CNTN4: variants seen among roughly 807,000 people sequenced by gnomAD.
The protein encoded by CNTN4 is contactin 4.
In CNTN4, 77 loss-of-function variants were observed where a neutral mutation model predicts 122.5. That is an observed-to-expected ratio of 0.63 (90% CI 0.52 to 0.76). The LOEUF (loss-of-function observed/expected upper bound fraction) is 0.76. Among genes scored for constraint, CNTN4 ranks in the 30% least tolerant of loss-of-function variants. The pLI is 0.00. For synonymous variants in CNTN4, 512 were observed against 447.0 expected (o/e 1.15, Z -1.83); for missense variants, 1,256 against 1,259.1 (o/e 1.00, Z 0.04).
chr3:2,498,540 G>T (rs993558110), intron 3 of CNTN4, among the ~76,000 whole-genome samples: 38 of 152,132 alleles, frequency 2.5e-4, no homozygotes, highest in Admixed American at 7.9e-4. Context: ...GCATGCAGTG[G>T]CATGATCATG....
intron 4 of CNTN4, among the ~76,000 whole-genome samples, chr3:2,580,311 G>A (rs989924342): frequency 2.6e-5 from 4 of 152,078 alleles, no homozygotes; most frequent in Admixed American, 2.0e-4. Flanking sequence ...CATCCATCTG[G>A]GGGCCTGGCA....
chr3:2,857,287 G>T (rs1297945829), intron 7 of CNTN4, among the ~76,000 whole-genome samples: 3 of 152,182 alleles, frequency 2.0e-5, no homozygotes, highest in African/African-American at 7.2e-5. Flanking sequence ...GCTTTTATGT[G>T]CTTTCCACAT....
chr3:2,142,313 A>G (rs2035031332), intron 2 of CNTN4, among the ~76,000 whole-genome samples: 1 of 151,972 alleles, frequency 6.6e-6, no homozygotes, highest in African/African-American at 2.4e-5. Context: ...TTTTAGAGCT[A>G]GAGACTTTGT....
At chr3:2,438,775 C>G (rs980978099) in intron 3 of CNTN4, among the ~76,000 whole-genome samples, 1 of 152,116 alleles carries the variant, frequency 6.6e-6, no homozygotes, top group Non-Finnish European at 1.5e-5. Context: ...GAATGTGGAC[C>G]ACGGTCTGGA....
chr3:2,752,828 A>C (rs2090160064), intron 6 of CNTN4, among the ~76,000 whole-genome samples: 1 of 152,178 alleles, frequency 6.6e-6, no homozygotes, highest in African/African-American at 2.4e-5. Context: ...TTACTAAATA[A>C]GACCAACTTA....
At chr3:2,529,688 T>G (rs1288272479) in intron 3 of CNTN4, among the ~76,000 whole-genome samples, 1 of 152,066 alleles carries the variant, frequency 6.6e-6, no homozygotes, top group Non-Finnish European at 1.5e-5. Flanking sequence ...GATCTTTGCA[T>G]AGGCTAAACT....
chr3:2,576,244 G>T (rs930183094), intron 4 of CNTN4, among the ~76,000 whole-genome samples: 2 of 152,166 alleles, frequency 1.3e-5, no homozygotes. Context: ...TCCAGAAAAT[G>T]TCTGGCACAT....
intron 6 of CNTN4, among the ~76,000 whole-genome samples, chr3:2,768,227 T>C (rs756409765): frequency 2.6e-5 from 4 of 152,178 alleles, no homozygotes; most frequent in Non-Finnish European, 4.4e-5. Flanking sequence ...TAATATAAAT[T>C]GTAATCACAT....
At chr3:3,000,210 A>G (rs558886942) in intron 14 of CNTN4, among the ~76,000 whole-genome samples, 1 of 151,292 alleles carries the variant, frequency 6.6e-6, no homozygotes, top group South Asian at 2.1e-4. Flanking sequence ...CTAGAACATA[A>G]TAGTGTCCAA....
intron 2 of CNTN4, among the ~76,000 whole-genome samples, chr3:2,271,733 A>G (rs1232382738): frequency 6.6e-6 from 1 of 152,160 alleles, no homozygotes; most frequent in Admixed American, 6.5e-5. Context: ...GTCCCCAACT[A>G]AAGAATGTAT....
intron 3 of CNTN4, among the ~76,000 whole-genome samples, chr3:2,462,651 G>A (rs1054448254): frequency 2.0e-5 from 3 of 152,184 alleles, no homozygotes; most frequent in Admixed American, 6.5e-5. Context: ...AAAATAAAAA[G>A]AGGAATAAAA....
intron 2 of CNTN4, among the ~76,000 whole-genome samples, chr3:2,158,906 C>A (rs2035836407): frequency 6.6e-6 from 1 of 152,122 alleles, no homozygotes; most frequent in Non-Finnish European, 1.5e-5. Context: ...ATACAACATT[C>A]TTTTTAAAGC....
At chr3:2,554,058 A>G (rs1388593050) in intron 3 of CNTN4, among the ~76,000 whole-genome samples, 2 of 152,276 alleles carry the variant, frequency 1.3e-5, no homozygotes, top group African/African-American at 2.4e-5. Flanking sequence ...AAATTAATCT[A>G]CATCACAAAC....
intron 2 of CNTN4, among the ~76,000 whole-genome samples, chr3:2,278,269 A>G (rs550994035): frequency 8.1e-4 from 123 of 152,362 alleles, no homozygotes; most frequent in South Asian, 7.7e-3. Context: ...ACAAAATACT[A>G]AAAAATCAAC....
intron 4 of CNTN4, among the ~76,000 whole-genome samples, chr3:2,656,142 TAAAAG>T (rs1293957559): frequency 1.3e-5 from 2 of 152,126 alleles, no homozygotes; most frequent in South Asian, 2.1e-4. Context: ...TTAAAACAAT[TAAAAG>T]AGAATAATTA....
intron 2 of CNTN4, among the ~76,000 whole-genome samples, chr3:2,146,659 G>A (rs1033044896): frequency 6.6e-6 from 1 of 152,080 alleles, no homozygotes; most frequent in South Asian, 2.1e-4. Context: ...TTTATCATTT[G>A]TTCAAATGTA....
chr3:2,578,936 C>G (rs2079815251), intron 4 of CNTN4, among the ~76,000 whole-genome samples: 1 of 152,130 alleles, frequency 6.6e-6, no homozygotes, highest in East Asian at 1.9e-4. Flanking sequence ...TGCAAAACTT[C>G]TTTTCAACAT....
intron 13 of CNTN4, among the ~76,000 whole-genome samples, chr3:2,937,901 G>C (rs1399596581): frequency 6.6e-6 from 1 of 152,168 alleles, no homozygotes; most frequent in Non-Finnish European, 1.5e-5. Flanking sequence ...AGCAAGTCAT[G>C]TACAAGAAAT....
intron 3 of CNTN4, among the ~76,000 whole-genome samples, chr3:2,453,623 C>T (rs1360439188): frequency 1.3e-5 from 2 of 152,122 alleles, no homozygotes; most frequent in East Asian, 3.9e-4. Context: ...CTACTTCATG[C>T]TCTTTTAACT....
Sources: gnomAD v4.1 joint callset for allele counts (sites outside exome capture counted in the v4.1 genomes callset) on GRCh38, gnomAD v4.1.1 for gene constraint, MANE v1.5 for transcripts, NCBI Gene and HGNC (gene_info 2026-07-23, HGNC 2026-07-21) for gene names.